MYH15: variants seen among roughly 807,000 people sequenced by gnomAD.
The protein encoded by MYH15 is myosin-15.
Under a neutral mutation model 240.5 loss-of-function variants are expected in MYH15, and 227 were observed. The observed-to-expected ratio is 0.94, with a 90% CI of 0.85 to 1.05. The LOEUF (loss-of-function observed/expected upper bound fraction) is 1.05. Among genes scored for constraint, MYH15 ranks in the 50% least tolerant of loss-of-function variants. MYH15 has a pLI of 0.00. For synonymous variants in MYH15, 785 were observed against 796.7 expected (o/e 0.99, Z 0.25); for missense variants, 2,217 against 2,247.5 (o/e 0.99, Z 0.27).
At chr3:108,502,229 A>C (rs2083444191) in intron 2 of MYH15, among the ~76,000 whole-genome samples, 2 of 152,094 alleles carry the variant, frequency 1.3e-5, no homozygotes, top group Admixed American at 1.3e-4. Context: ...TAAAAGAAGA[A>C]ACTTAGAGTG....
At position 108,510,590 on chromosome 3, in the gene MYH15, GAA is replaced by G; in HGVS notation, c.-62_-61del. On this transcript the variant is annotated 5_prime_UTR_variant, in exon 1 of 41. Coordinates refer to ENST00000693548, the MANE Select transcript of MYH15 (RefSeq NM_014981.3). ...AACGTGAGTAGGCAAGATTCAACCT[GAA>G]AAAAAAAAATTGATACAGAGAAGAA... The G allele has an allele frequency of 7.1e-7, 1 of 1,412,670 alleles. No individual in the cohort carries two copies. Among genetic ancestry groups the G allele is most frequent in the South Asian group, 1.3e-5 (1 of 74,360 alleles). The allele number at this position is 1,412,670 out of a possible 1,614,324, so 87.5% of individuals were successfully genotyped here.
chr3:108,476,024 A>G (rs536753695), intron 12 of MYH15, among the ~76,000 whole-genome samples: 2 of 152,310 alleles, frequency 1.3e-5, no homozygotes, highest in Admixed American at 6.5e-5. Context: ...ATGCCAAAGG[A>G]GCCAATATGC....
rs1356251077 is a variant in MYH15, at chr3:108,421,081, T to G, written c.3829+7A>C. ...TTGCCTATGAGTCAAGCAGCATACT[T>G]ACTTACCACTCTCACTCCACAGCTT... is the stretch of plus-strand genomic sequence containing the variant. On this transcript the variant is annotated splice_region_variant and intron_variant, in intron 28 of 40. Transcript: ENST00000693548. 1 of 1,613,974 alleles carries G rather than the reference T, an allele frequency of 6.2e-7. No individual in the cohort carries two copies. The highest frequency in any genetic ancestry group is 1.7e-5 in the Admixed American group (1 of 60,032).
chr3:108,440,726 C>G (rs943684083), intron 23 of MYH15, among the ~76,000 whole-genome samples: 1 of 151,600 alleles, frequency 6.6e-6, no homozygotes, highest in Non-Finnish European at 1.5e-5. Flanking sequence ...CTTACAGGCC[C>G]GATGAAACCA....
the MYH15 span, among the ~76,000 whole-genome samples, chr3:108,537,585 A>G: frequency 1.3e-5 from 2 of 151,916 alleles, no homozygotes; most frequent in Non-Finnish European, 2.9e-5. Context: ...ACACAGCAAC[A>G]AGGCAGCATC....
At chr3:108,469,303 A>C (rs2083150186) in intron 14 of MYH15, among the ~76,000 whole-genome samples, 1 of 152,184 alleles carries the variant, frequency 6.6e-6, no homozygotes, top group African/African-American at 2.4e-5. Context: ...ATCCATCTTG[A>C]AGATTCACTG....
chr3:108,383,616 T>C lies in MYH15; in HGVS notation c.5745A>G (p.Lys1915=). ...AESQVNKLKI[K]AREFGKKVQE... ...ATACCTTTTTCCCAAACTCTCTTGC[T>C]TTAATTTTGAGTTTATTGACTTGAG... is the stretch of plus-strand genomic sequence containing the variant. Residue 1915 remains lysine (K), a synonymous_variant, in exon 40 of 41, where the codon AAA becomes AAG. Transcript: ENST00000693548. The C allele has an allele frequency of 6.2e-7, 1 of 1,613,358 alleles. No homozygotes were observed. Among genetic ancestry groups the C allele is most frequent in the African/African-American group, 1.3e-5 (1 of 74,980 alleles).
Position 108,505,769 on chromosome 3 carries a change from C to T in MYH15, c.149G>A (p.Gly50Glu), listed in dbSNP as rs750652915. 6.2e-7 allele frequency: 1 copy of T among 1,613,108 alleles called. No homozygotes were observed. The highest frequency in any genetic ancestry group is 1.7e-5 in the Admixed American group (1 of 59,902). ...ENAYIEAEVK[G>E]SEDDGTVIVE... ...AATTACTGTTCCATCATCTTCACTC[C>T]CTTTTACCTCAGCCTCGATATAAGC... The change falls in exon 2 of 41, where the codon GGG (glycine) becomes GAG (glutamate). Residue 50 changes from glycine (G) to glutamate (E), a missense_variant. Gly to Glu is a moderately conservative substitution (Grantham distance 98, BLOSUM62 -2). Transcript: ENST00000693548.
chr3:108,427,274 C>T (rs956877750), intron 27 of MYH15, among the ~76,000 whole-genome samples: 3 of 152,184 alleles, frequency 2.0e-5, no homozygotes, highest in Non-Finnish European at 4.4e-5. Context: ...CTGAATATGT[C>T]CCCCTAAAAT....
intron 25 of MYH15, among the ~76,000 whole-genome samples, chr3:108,434,816 A>G (rs1335111454): frequency 1.3e-5 from 2 of 152,232 alleles, no homozygotes; most frequent in African/African-American, 2.4e-5. Flanking sequence ...TGCTAAAAAA[A>G]TAAGATAGCC....
intron 9 of MYH15, among the ~76,000 whole-genome samples, chr3:108,488,263 C>T (rs955397713): frequency 6.6e-6 from 1 of 151,964 alleles, no homozygotes; most frequent in Non-Finnish European, 1.5e-5. Context: ...GCATAATGTC[C>T]TTCAGGTTCA....
At position 108,510,451 on chromosome 3, in the gene MYH15, G is replaced by T; in HGVS notation, c.80C>A (p.Ala27Asp). Residue 27 changes from alanine (A) to aspartate (D), a missense_variant, in exon 1 of 41, where the codon GCC becomes GAC. Ala to Asp is a moderately radical substitution (Grantham distance 126). Transcript: ENST00000693548. ...EAELLLLQAT[A>D]LDGKKKCWIP... The stretch of plus-strand genomic sequence containing the variant: ...ACCACCACATGTCTCACCATCCAAG[G>T]CTGTGGCCTGTAGTAGAAGCAGCTC... The T allele has an allele frequency of 1.2e-6, 2 of 1,610,710 alleles. No homozygotes were observed. The highest frequency in any genetic ancestry group is 2.2e-5 in the South Asian group (2 of 90,606).
chr3:108,500,513 A>G (rs1391977610), intron 3 of MYH15, among the ~76,000 whole-genome samples: 1 of 152,136 alleles, frequency 6.6e-6, no homozygotes, highest in African/African-American at 2.4e-5. Flanking sequence ...AACAAGTCTG[A>G]CACATGAAGC....
At chr3:108,499,228 C>A (rs1224157615) in intron 5 of MYH15, among the ~76,000 whole-genome samples, 1 of 152,124 alleles carries the variant, frequency 6.6e-6, no homozygotes, top group Non-Finnish European at 1.5e-5. Context: ...TCTAAAGGAT[C>A]TCTGAAAATG....
intron 22 of MYH15, among the ~76,000 whole-genome samples, chr3:108,444,033 A>G (rs868211359): frequency 3.6e-4 from 52 of 145,050 alleles, no homozygotes; most frequent in Middle Eastern, 3.6e-3. Flanking sequence ...GCATTAGGAG[A>G]TATACCTAAT....
intron 23 of MYH15, 145 bp from the exon 24 acceptor site, chr3:108,440,058 G>A (rs571949413): frequency 7.0e-6 from 4 of 571,628 alleles, no homozygotes; most frequent in Non-Finnish European, 1.1e-5. Context: ...TTCCTGATAC[G>A]CTTTCTAAAG....
intron 14 of MYH15, 105 bp from the exon 15 acceptor site, chr3:108,464,919 G>T: frequency 1.0e-6 from 1 of 987,570 alleles, no homozygotes; most frequent in Non-Finnish European, 1.5e-6. Context: ...TTGACAAAGG[G>T]AAGAATATTC....
intron 27 of MYH15, among the ~76,000 whole-genome samples, chr3:108,422,639 A>C (rs1018571959): frequency 2.6e-5 from 4 of 152,244 alleles, no homozygotes. Context: ...ATCTCAATTA[A>C]TACAGCAGTC....
Position 108,500,116 on chromosome 3 carries a change from A to T in MYH15, c.496+2T>A. 1.2e-6 allele frequency: 2 copies of T among 1,611,508 alleles called. No individual in the cohort carries two copies. The highest frequency in any genetic ancestry group is 1.7e-6 in the Non-Finnish European group (2 of 1,179,072). On this transcript the variant is annotated splice_donor_variant, in intron 4 of 40. Transcript: ENST00000693548. LOFTEE classifies it high-confidence loss of function. ...TTTTCATTTTGTAGGGCAGCTACTC[A>T]CTGTGAAGCATGTCCTGAAAGGCGT...
Sources: allele counts gnomAD v4.1 joint callset (sites outside exome capture counted in the v4.1 genomes callset), GRCh38; gene constraint gnomAD v4.1.1; transcripts MANE v1.5; gene names NCBI Gene and HGNC (gene_info 2026-07-23, HGNC 2026-07-21).